Variants in GAS6 observed in about 807,000 individuals in gnomAD.
GAS6 encodes growth arrest specific 6.
In GAS6, 41 loss-of-function variants were observed where a neutral mutation model predicts 75.8. The observed-to-expected ratio is 0.54, with a 90% CI of 0.42 to 0.70. The LOEUF (loss-of-function observed/expected upper bound fraction) is 0.70. Among genes scored for constraint, GAS6 ranks in the 30% least tolerant of loss-of-function variants. The probability of loss-of-function intolerance (pLI) is 0.00; values close to 1 mark genes in which losing one functional copy is unlikely to be tolerated. For missense variants in GAS6, 854 were observed against 940.2 expected, an observed-to-expected ratio of 0.91 and a Z score of 1.20; for synonymous variants, 432 against 412.6, an observed-to-expected ratio of 1.05 and a Z score of -0.57.
chr13:113,821,931 G>C, intron 14 of GAS6, 27 bp downstream of exon 14: 1 of 1,493,498 alleles, frequency 6.7e-7, no homozygotes, highest in East Asian at 2.5e-5. Context: ...CTCTTCACCC[G>C]GGTTGAGCGG....
chr13:113,822,518 T>C (rs1464564631), intron 13 of GAS6: 1 of 239,406 alleles, frequency 4.2e-6, no homozygotes, highest in African/African-American at 2.2e-5. Context: ...GGAACTGGGG[T>C]GGCCCTGATG....
At chr13:113,828,136 C>A (rs923551087) in intron 11 of GAS6, among the ~76,000 whole-genome samples, 18 of 152,108 alleles carry the variant, frequency 1.2e-4, no homozygotes, top group Non-Finnish European at 1.6e-4. Context: ...TGGTGGCGGG[C>A]GCCTGTAGTC....
chr13:113,823,974 C>T (rs1459856034), intron 12 of GAS6, among the ~76,000 whole-genome samples: 2 of 152,204 alleles, frequency 1.3e-5, no homozygotes, highest in African/African-American at 4.8e-5. Flanking sequence ...GGTAGCAGCA[C>T]AGGGCCCAGT....
At chr13:113,827,612 G>T (rs1218144643) in intron 11 of GAS6, among the ~76,000 whole-genome samples, 1 of 148,998 alleles carries the variant, frequency 6.7e-6, no homozygotes, top group African/African-American at 2.6e-5. Context: ...TCACAACACC[G>T]AAGGTCCCGG....
rs2051737286 is a variant in GAS6 at position 113,838,228 on chromosome 13, G to C, written c.467-37C>G. On this transcript the variant is annotated intron_variant, in intron 5 of 14. Transcript: ENST00000327773. ...CACAGGCCTGAAGGGGAGCCCAAGG[G>C]TGCACAGCCCCTGGCTACGGTAGGA... 3 of 1,609,784 alleles carry C rather than the reference G, an allele frequency of 1.9e-6. No homozygotes were observed. In the Admixed American group the frequency reaches 5.0e-5, roughly 27 times the overall value.
chr13:113,825,234 CAAAAAAA>C (rs71105207), intron 12 of GAS6, among the ~76,000 whole-genome samples: 2 of 58,370 alleles, frequency 3.4e-5, no homozygotes, highest in African/African-American at 7.1e-5. Context: ...AACTCCGTCT[CAAAAAAA>C]AAAAAAAAAA....
intron 4 of GAS6, chr13:113,843,371 G>A (rs2051806583): frequency 6.6e-6 from 1 of 151,948 alleles, no homozygotes. Flanking sequence ...GGCGGCCAGG[G>A]CCTTTCCCTG....
chr13:113,859,771 G>A (rs755429062), intron 2 of GAS6, among the ~76,000 whole-genome samples: 1 of 152,138 alleles, frequency 6.6e-6, no homozygotes, highest in Non-Finnish European at 1.5e-5. Context: ...TCTGTGTGTG[G>A]GAGTGTGCTG....
At chr13:113,835,724 C>A (rs999550090) in intron 6 of GAS6, 89 bp from the exon 7 acceptor site, 6 of 1,540,100 alleles carry the variant, frequency 3.9e-6, no homozygotes, top group Non-Finnish European at 5.2e-6. Context: ...GCCAGGGCAC[C>A]ACCCAGAGGT....
chr13:113,855,229 C>T (rs2051905141), intron 2 of GAS6, among the ~76,000 whole-genome samples: 1 of 152,216 alleles, frequency 6.6e-6, no homozygotes, highest in Non-Finnish European at 1.5e-5. Flanking sequence ...TGCCTTGGAC[C>T]CAAGTTCACC....
intron 4 of GAS6, among the ~76,000 whole-genome samples, chr13:113,846,120 T>C (rs1285834227): frequency 1.3e-5 from 2 of 152,246 alleles, no homozygotes; most frequent in East Asian, 1.9e-4. Flanking sequence ...GAGGGTCTCC[T>C]GTGCAGACAG....
At chr13:113,840,849 G>A (rs912469816) in intron 4 of GAS6, 12 of 152,378 alleles carry the variant, frequency 7.9e-5, no homozygotes, top group Admixed American at 7.2e-4. Context: ...GGGGAACCCT[G>A]GGTAGGGCCC....
Position 113,828,705 on chromosome 13 carries a change from C to A in GAS6, c.1150G>T (p.Val384Phe). Residue 384 changes from valine (V) to phenylalanine (F), a missense_variant, in exon 11 of 15, where the codon GTT (valine) becomes TTT (phenylalanine). Physicochemically the swap from Val to Phe is conservative, Grantham distance 50. Coordinates refer to ENST00000327773, the MANE Select transcript of GAS6 (RefSeq NM_000820.4). Reference protein sequence around the residue: ...INHGMWQTISVEELARNLVIK... With the variant: ...INHGMWQTISFEELARNLVIK... ...ACCAGATTCCGCGCCAGCTCCTCAA[C>A]AGAGATCTGAAGAGAGGCAGCGCCA... 1.9e-6 allele frequency: 3 copies of A among 1,613,202 alleles called. No individual in the cohort carries two copies. Among genetic ancestry groups the A allele is most frequent in the Non-Finnish European group, 2.5e-6 (3 of 1,179,882 alleles).
At chr13:113,825,735 C>T (rs929029073) in intron 12 of GAS6, among the ~76,000 whole-genome samples, 11 of 152,238 alleles carry the variant, frequency 7.2e-5, no homozygotes, top group Middle Eastern at 3.2e-3. Flanking sequence ...TGAGGGAGAA[C>T]GCGTGTGCAC....
chr13:113,853,775 T>C (rs2051893556), intron 2 of GAS6, among the ~76,000 whole-genome samples: 1 of 152,232 alleles, frequency 6.6e-6, no homozygotes, highest in Non-Finnish European at 1.5e-5. Context: ...TTGGGGAGCC[T>C]TCCTTTCTCA....
At chr13:113,859,315 AGTAT>A (rs1445161735) in intron 2 of GAS6, among the ~76,000 whole-genome samples, 3 of 143,208 alleles carry the variant, frequency 2.1e-5, no homozygotes, top group African/African-American at 5.2e-5. Context: ...CATGTCTGTT[AGTAT>A]GTGTGTGCAT....
chr13:113,859,119 T>C (rs138668831), intron 2 of GAS6, among the ~76,000 whole-genome samples: 70 of 150,444 alleles, frequency 4.7e-4, no homozygotes, highest in Non-Finnish European at 9.0e-4. Context: ...AGTGTGTGGC[T>C]GTGTGCTTAC....
chr13:113,831,712 T>C (rs1457200357), intron 10 of GAS6, among the ~76,000 whole-genome samples: 1 of 151,986 alleles, frequency 6.6e-6, no homozygotes, highest in Non-Finnish European at 1.5e-5. Flanking sequence ...AGCACCACAG[T>C]GAGCCCCCAG....
intron 2 of GAS6, among the ~76,000 whole-genome samples, chr13:113,858,686 TCTGTGTGTGTGA>T (rs1340494514): frequency 7.1e-6 from 1 of 141,070 alleles, no homozygotes; most frequent in Non-Finnish European, 1.5e-5. Flanking sequence ...TGTATGCATG[TCTGTGTGTGTGA>T]CTGTGTATGT....
Sources: gnomAD v4.1 joint callset for allele counts (sites outside exome capture counted in the v4.1 genomes callset) on GRCh38, gnomAD v4.1.1 for gene constraint, MANE v1.5 for transcripts, NCBI Gene and HGNC (gene_info 2026-07-23, HGNC 2026-07-21) for gene names.